GLG1: variants seen among roughly 807,000 people sequenced by gnomAD.
GLG1 encodes the protein Golgi apparatus protein 1.
In GLG1, 38 loss-of-function variants were observed where a neutral mutation model predicts 160.5. The observed-to-expected ratio is 0.24, with a 90% CI of 0.18 to 0.31. GLG1 has a LOEUF of 0.31. Among genes scored for constraint, GLG1 ranks in the 10% least tolerant of loss-of-function variants. The pLI, the probability that GLG1 is intolerant of heterozygous loss-of-function variation, is 1.00. For missense variants in GLG1, 1,373 were observed against 1,505.2 expected, an observed-to-expected ratio of 0.91 and a Z score of 1.45; for synonymous variants, 644 against 543.4, an observed-to-expected ratio of 1.19 and a Z score of -2.57.
Position 74,606,850 on chromosome 16 carries a change from T to A in GLG1, c.245A>T (p.Gln82Leu), listed in dbSNP as rs1340690931. ...CGGCTGCGGCGGCTGAGGCTGCTGTTGCTGTTGCTGCTGCTGCTGTTGCTG... is the reference window on the plus strand; with the variant it reads ...CGGCTGCGGCGGCTGAGGCTGCTGTAGCTGTTGCTGCTGCTGCTGTTGCTG... ...LQQQQQQQQQ[Q>L]QQPQPPQPPF... The change falls in exon 1 of 26, where the codon CAA (glutamine) becomes CTA (leucine). Residue 82 changes from glutamine (Q) to leucine (L), a missense_variant. Around this residue, in one of 4 missense-constraint regions of GLG1, gnomAD observed 322 missense variants for 254.6 expected, o/e 1.26. Coordinates refer to ENST00000422840, the MANE Select transcript of GLG1 (RefSeq NM_001145667.2). 1.9e-6 allele frequency: 3 copies of A among 1,597,396 alleles called. No individual in the cohort carries two copies. In the Admixed American group the frequency reaches 5.3e-5, roughly 28 times the overall value.
chr16:74,459,743 C>G lies in GLG1; in HGVS notation c.3083G>C (p.Gly1028Ala). Residue 1028 changes from glycine (G) to alanine (A), a missense_variant, in exon 23 of 26, where the codon GGT (glycine) becomes GCT (alanine). By Grantham distance (60) the Gly-to-Ala change is moderately conservative (BLOSUM62 0). This residue lies in a region of GLG1 where 491 missense variants were observed against 632.1 expected (regional missense o/e 0.78). Coordinates refer to ENST00000422840, the MANE Select transcript of GLG1 (RefSeq NM_001145667.2). The stretch of plus-strand genomic sequence containing the variant: ...GACCTTGAGGCACTCCTCCACCTGA[C>G]CTGTCTGCTCTTGGGCTGCTGCTTC... ...AEEAAAQEQT[G>A]QVEECLKVNL... The G allele has an allele frequency of 2.5e-6, 4 of 1,611,430 alleles. No individual in the cohort carries two copies. The highest frequency in any genetic ancestry group is 3.4e-6 in the Non-Finnish European group (4 of 1,178,172).
intron 1 of GLG1, among the ~76,000 whole-genome samples, chr16:74,570,701 G>A (rs181334481): frequency 5.9e-5 from 9 of 152,256 alleles, no homozygotes; most frequent in South Asian, 2.1e-4. Context: ...TTTGAGACCA[G>A]CTTGGTCAAC....
chr16:74,496,659 A>T lies in GLG1; in HGVS notation c.775-15T>A. On this transcript the variant is annotated splice_polypyrimidine_tract_variant and intron_variant, in intron 4 of 25. Coordinates refer to ENST00000422840, the MANE Select transcript of GLG1 (RefSeq NM_001145667.2). ...GAATGTGCATCCTAAAATAGCGAGG[A>T]TATTAATATTTTAAAACTTTTATCA... 6.4e-7 allele frequency: 1 copy of T among 1,567,640 alleles called. No homozygotes were observed. The highest frequency in any genetic ancestry group is 1.1e-5 in the South Asian group (1 of 90,080).
chr16:74,458,994 G>C (rs1182065150), intron 23 of GLG1, among the ~76,000 whole-genome samples: 1 of 152,038 alleles, frequency 6.6e-6, no homozygotes, highest in Admixed American at 6.6e-5. Flanking sequence ...AACAGTAAGA[G>C]AAATAAAAAC....
intron 5 of GLG1, among the ~76,000 whole-genome samples, chr16:74,495,444 A>G (rs973931635): frequency 1.1e-4 from 16 of 152,180 alleles, no homozygotes; most frequent in African/African-American, 3.9e-4. Context: ...AGTGTATGCT[A>G]GAGTTAACGA....
intron 5 of GLG1, 107 bp downstream of exon 5, chr16:74,496,334 T>C (rs138576384): frequency 6.3e-6 from 5 of 794,430 alleles, no homozygotes; most frequent in Non-Finnish European, 1.0e-5. Flanking sequence ...CTGGGCAACA[T>C]AGCAAGACTC....
At position 74,607,082 on chromosome 16, in the gene GLG1, C is replaced by T; in HGVS notation, c.13G>A (p.Gly5Arg). 6.4e-7 allele frequency: 1 copy of T among 1,551,754 alleles called. No individual in the cohort carries two copies. The highest frequency in any genetic ancestry group is 1.2e-5 in the South Asian group (1 of 85,836). ...AAGCGGAACATCCTCCGTACACGTC[C>T]ACACGCCGCCATCTTGAGTCCGCGG... is the stretch of plus-strand genomic sequence containing the variant. Reference protein sequence around the residue: MAACGRVRRMFRLSA... With the variant: MAACRRVRRMFRLSA... Residue 5 changes from glycine to arginine, a missense_variant, in exon 1 of 26, where the codon GGA becomes AGA. Physicochemically the swap from Gly to Arg is moderately radical, Grantham distance 125 (BLOSUM62 -2). This residue lies in a region of GLG1 where 322 missense variants were observed against 254.6 expected (regional missense o/e 1.26). Coordinates refer to ENST00000422840, the MANE Select transcript of GLG1 (RefSeq NM_001145667.2).
chr16:74,497,684 G>A (rs1043921838), intron 4 of GLG1, among the ~76,000 whole-genome samples: 5 of 151,986 alleles, frequency 3.3e-5, no homozygotes, highest in African/African-American at 1.2e-4. Context: ...TGATCCGCCC[G>A]CCTCGGCCTC....
intron 25 of GLG1, 30 bp from the exon 26 acceptor site, chr16:74,453,364 TGA>T (rs775932980): frequency 4.7e-6 from 7 of 1,500,952 alleles, no homozygotes; most frequent in Admixed American, 3.4e-5. Flanking sequence ...TGTGATTCTC[TGA>T]GAGAGCACTG....
rs374424300 is a variant in GLG1 at position 74,535,694 on chromosome 16, CA to C, written c.439-3542del. Among the ~76,000 whole-genome samples the C allele has an allele frequency of 8.7e-4, 133 of 152,274 alleles. 1 individual carries two copies. The East Asian group carries it at 0.019, about 21-fold the overall frequency. ...AAGTGATCTTCCTGCCTCACCTGCCCAAAGTGCTGGGACTGCAGGCATGAGC... is the reference window on the plus strand; with the variant it reads ...AAGTGATCTTCCTGCCTCACCTGCCCAAGTGCTGGGACTGCAGGCATGAGC... On this transcript the variant is annotated intron_variant, in intron 1 of 25. Coordinates refer to ENST00000422840, the MANE Select transcript of GLG1 (RefSeq NM_001145667.2).
chr16:74,545,127 T>G (rs2018011403), intron 1 of GLG1, among the ~76,000 whole-genome samples: 1 of 152,162 alleles, frequency 6.6e-6, no homozygotes. Flanking sequence ...TTCAGGAAAT[T>G]CTGGTGGAAA....
chr16:74,472,325 C>T (rs777749897), intron 14 of GLG1, 24 bp downstream of exon 14: 1 of 1,568,170 alleles, frequency 6.4e-7, no homozygotes, highest in Non-Finnish European at 8.8e-7. Context: ...GTTTTTAACC[C>T]TTGCTCCTCC....
intron 2 of GLG1, among the ~76,000 whole-genome samples, chr16:74,514,916 T>C (rs1253504251): frequency 1.3e-5 from 2 of 151,168 alleles, no homozygotes; most frequent in Non-Finnish European, 2.9e-5. Context: ...AAGACACACA[T>C]AGGCTCAAAA....
At position 74,453,036 on chromosome 16, in the gene GLG1, G is replaced by C. The variant is rs954325774; in HGVS notation, c.*131C>G. ...TGGAGGCTGGATGGGACAACGCAGT[G>C]GACATCTGCTAATGCTCTAACACGG... On this transcript the variant is annotated 3_prime_UTR_variant, in exon 26 of 26. Transcript: ENST00000422840. The C allele has an allele frequency of 3.4e-6, 5 of 1,480,542 alleles. No individual in the cohort carries two copies. In the African/African-American group the frequency reaches 7.0e-5, roughly 21 times the overall value. The allele number at this position is 1,480,542 out of a possible 1,614,324, so 91.7% of individuals were successfully genotyped here. A position where few individuals can be genotyped will look rare whatever the true frequency, so the allele number is the denominator to read the frequency against.
At chr16:74,456,324 C>T (rs1462358199) in intron 25 of GLG1, among the ~76,000 whole-genome samples, 1 of 152,178 alleles carries the variant, frequency 6.6e-6, no homozygotes, top group Non-Finnish European at 1.5e-5. Flanking sequence ...AGCACACTGA[C>T]CATGTTTACT....
intron 1 of GLG1, among the ~76,000 whole-genome samples, chr16:74,542,376 A>AACTAG (rs1373585208): frequency 6.6e-6 from 1 of 152,136 alleles, no homozygotes; most frequent in African/African-American, 2.4e-5. Flanking sequence ...CAAAGAAGAA[A>AACTAG]ACTAGACTAG....
chr16:74,475,271 C>T, intron 12 of GLG1, among the ~76,000 whole-genome samples: 1 of 151,986 alleles, frequency 6.6e-6, no homozygotes, highest in East Asian at 1.9e-4. Flanking sequence ...CCTTATCAGG[C>T]CTTGATTCTA....
intron 1 of GLG1, among the ~76,000 whole-genome samples, chr16:74,532,581 T>C (rs570886604): frequency 6.6e-6 from 1 of 152,198 alleles, no homozygotes; most frequent in South Asian, 2.1e-4. Context: ...TGCCATGCAG[T>C]GGCGCAATCA....
At chr16:74,592,888 G>C (rs146518435) in intron 1 of GLG1, among the ~76,000 whole-genome samples, 226 of 152,252 alleles carry the variant, frequency 1.5e-3, no homozygotes, top group Middle Eastern at 6.8e-3. Flanking sequence ...CCCAATACAA[G>C]TGTTGAGAGA....
Sources: allele counts gnomAD v4.1 joint callset (sites outside exome capture counted in the v4.1 genomes callset), GRCh38; gene constraint gnomAD v4.1.1; regional missense constraint gnomAD v4.1.1; transcripts MANE v1.5; gene names NCBI Gene and HGNC (gene_info 2026-07-23, HGNC 2026-07-21).